PCDHGB1: variants seen among roughly 807,000 people sequenced by gnomAD.
The protein encoded by PCDHGB1 is protocadherin gamma-B1.
PCDHGB1 carries 34 observed loss-of-function variants against 56.6 expected under a neutral mutation model. That is an observed-to-expected ratio of 0.60 (90% CI 0.46 to 0.80). PCDHGB1 has a LOEUF of 0.80. PCDHGB1 is among the 30% of genes least tolerant of loss of function. The probability of loss-of-function intolerance (pLI) is 0.00; values close to 1 mark genes in which losing one functional copy is unlikely to be tolerated. For missense variants in PCDHGB1, 1,278 were observed against 1,204.6 expected (o/e 1.06, Z -0.90); for synonymous variants, 561 against 505.9 (o/e 1.11, Z -1.46).
Position 141,486,177 on chromosome 5 carries a change from G to A in PCDHGB1, c.2410-8630G>A. The A allele has an allele frequency of 6.2e-7, 1 of 1,614,222 alleles. No individual in the cohort carries two copies. Among genetic ancestry groups the A allele is most frequent in the Non-Finnish European group, 8.5e-7 (1 of 1,180,042 alleles). ...TCTCCAGCCATGGAGCAACATTGCA[G>A]CCTTCGAGTGGATCTGCTGGACGTA... On this transcript the variant is annotated intron_variant, in intron 1 of 3. Coordinates refer to ENST00000523390, the MANE Select transcript of PCDHGB1 (RefSeq NM_018922.3). The surrounding 1 kb of genome is among the most constrained non-coding windows in gnomAD (Gnocchi z 5.0).
At chr5:141,362,022 G>A (rs769844077) in intron 1 of PCDHGB1, 1 of 1,607,598 alleles carries the variant, frequency 6.2e-7, no homozygotes, top group African/African-American at 1.3e-5. Context: ...TGCGCACAGC[G>A]CGTGCCTTGG....
At chr5:141,495,499 C>T (rs918858395) in intron 2 of PCDHGB1, among the ~76,000 whole-genome samples, 13 of 152,162 alleles carry the variant, frequency 8.5e-5, no homozygotes, top group African/African-American at 2.9e-4. Context: ...CTTGAGTTTC[C>T]GTCTTTGCCA....
rs897116364 is a variant in PCDHGB1 at position 141,366,050 on chromosome 5, G to C, written c.2409+13381G>C. On this transcript the variant is annotated intron_variant, in intron 1 of 3. Coordinates refer to ENST00000523390, the MANE Select transcript of PCDHGB1 (RefSeq NM_018922.3). ...CGCCCTCCCCACAGACGGTTCCACGGGCGTGGAGCTGGCGCCTCGCTCCGC... is the reference window on the plus strand; with the variant it reads ...CGCCCTCCCCACAGACGGTTCCACGCGCGTGGAGCTGGCGCCTCGCTCCGC... The C allele has an allele frequency of 1.1e-5, 17 of 1,614,126 alleles. No homozygotes were observed. The highest frequency in any genetic ancestry group is 2.2e-5 in the South Asian group (2 of 91,088).
Position 141,403,510 on chromosome 5 carries a change from C to T in PCDHGB1, c.2409+50841C>T, listed in dbSNP as rs201146573. ...TCTCCCTGAACGTGCAGACTGGAGA[C>T]AATGGAGCCATAAACCCAGAGCTGG... On this transcript the variant is annotated intron_variant, in intron 1 of 3. Transcript: ENST00000523390. 9.2e-4 allele frequency: 1,478 copies of T among 1,614,022 alleles called. 1 individual carries two copies. Among genetic ancestry groups the T allele is most frequent in the Non-Finnish European group, 1.2e-3 (1,414 of 1,179,888 alleles).
chr5:141,359,347 A>G (rs1267627880), intron 1 of PCDHGB1, among the ~76,000 whole-genome samples: 1 of 152,148 alleles, frequency 6.6e-6, no homozygotes, highest in African/African-American at 2.4e-5. Flanking sequence ...AGAGTGCCAC[A>G]TGTTTTAAAG....
chr5:141,404,771 C>T lies in PCDHGB1; in HGVS notation c.2409+52102C>T, dbSNP rs376650362. On this transcript the variant is annotated intron_variant, in intron 1 of 3. Coordinates refer to ENST00000523390, the MANE Select transcript of PCDHGB1 (RefSeq NM_018922.3). Reference sequence around the variant, plus strand: ...AGGCCAGAATGCTTGGCTCTCCTACCGCCTATTCAAGGCCAGTGAGCCAGG... The same window carrying T: ...AGGCCAGAATGCTTGGCTCTCCTACTGCCTATTCAAGGCCAGTGAGCCAGG... The T allele has an allele frequency of 3.3e-5, 53 of 1,613,868 alleles. No homozygotes were observed. Among genetic ancestry groups the T allele is most frequent in the African/African-American group, 1.9e-4 (14 of 74,938 alleles).
At chr5:141,383,532 C>T (rs1249909520) in intron 1 of PCDHGB1, 4 of 1,612,320 alleles carry the variant, frequency 2.5e-6, no homozygotes, top group Non-Finnish European at 3.4e-6. Context: ...ACCACCTGGT[C>T]CTCACAGCCT....
At chr5:141,472,408 G>T (rs780468341) in intron 1 of PCDHGB1, among the ~76,000 whole-genome samples, 1 of 152,064 alleles carries the variant, frequency 6.6e-6, no homozygotes, top group Non-Finnish European at 1.5e-5. Flanking sequence ...AGGCGTGGTG[G>T]CACGCACCTG....
At chr5:141,405,560 G>A in intron 1 of PCDHGB1, 1 of 613,636 alleles carries the variant, frequency 1.6e-6, no homozygotes, top group Non-Finnish European at 2.9e-6. Context: ...GAGTAGCTGG[G>A]ACTAGAGTAG....
chr5:141,382,013 G>A (rs1000379234), intron 1 of PCDHGB1, among the ~76,000 whole-genome samples: 1 of 151,580 alleles, frequency 6.6e-6, no homozygotes, highest in Non-Finnish European at 1.5e-5. Context: ...ATTTTTAGTA[G>A]AGACGGGGTT....
intron 1 of PCDHGB1, chr5:141,410,165 T>G: frequency 1.9e-6 from 3 of 1,613,714 alleles, no homozygotes; most frequent in Non-Finnish European, 2.5e-6. Flanking sequence ...GCCGCCACTC[T>G]CTGCCACCGC....
rs769760594 is a variant in PCDHGB1, at chr5:141,389,212, TA to T, written c.2409+36546del. ...AGCATCACCCTGCACATTGGTGATG[TA>T]AATGACAACGCTCCGGTTTTCTCAC... On this transcript the variant is annotated intron_variant, in intron 1 of 3. Coordinates refer to ENST00000523390, the MANE Select transcript of PCDHGB1 (RefSeq NM_018922.3). 96 of 1,614,016 alleles carry T rather than the reference TA, an allele frequency of 5.9e-5. No homozygotes were observed. The East Asian group carries it at 2.0e-3, about 33-fold the overall frequency.
intron 2 of PCDHGB1, among the ~76,000 whole-genome samples, chr5:141,499,686 T>G (rs1400567357): frequency 1.3e-5 from 2 of 149,346 alleles, no homozygotes; most frequent in Non-Finnish European, 3.0e-5. Flanking sequence ...CTTTAACAGA[T>G]GACTTTTTTT....
Position 141,361,516 on chromosome 5 carries a change from G to A in PCDHGB1, c.2409+8847G>A, listed in dbSNP as rs750174731. ...CCAACAGACTTCCTACATGGTTCAC[G>A]TGGCAGAGAACAATCCTCCTGGCGC... is the stretch of plus-strand genomic sequence containing the variant. On this transcript the variant is annotated intron_variant, in intron 1 of 3. Coordinates refer to ENST00000523390, the MANE Select transcript of PCDHGB1 (RefSeq NM_018922.3). The A allele has an allele frequency of 8.7e-6, 14 of 1,613,942 alleles. No homozygotes were observed. Among genetic ancestry groups the A allele is most frequent in the South Asian group, 7.7e-5 (7 of 91,088 alleles).
chr5:141,506,277 T>C (rs905595521), intron 3 of PCDHGB1, among the ~76,000 whole-genome samples: 1 of 152,050 alleles, frequency 6.6e-6, no homozygotes. Flanking sequence ...AGTGAAACCC[T>C]GTCTCTACTA....
At chr5:141,372,958 T>TACAA in intron 1 of PCDHGB1, 9 of 710,562 alleles carry the variant, frequency 1.3e-5, no homozygotes, top group South Asian at 2.1e-5. Context: ...AAATTCTTTG[T>TACAA]AGAATTTCCT....
At chr5:141,499,184 A>G (rs2099789986) in intron 2 of PCDHGB1, among the ~76,000 whole-genome samples, 1 of 151,726 alleles carries the variant, frequency 6.6e-6, no homozygotes, top group African/African-American at 2.4e-5. Context: ...CCAGCAAACC[A>G]TTTCCCCCTT....
intron 1 of PCDHGB1, chr5:141,389,244 T>C: frequency 6.2e-7 from 1 of 1,614,036 alleles, no homozygotes; most frequent in Non-Finnish European, 8.5e-7. Context: ...CTCACAGTCT[T>C]CCTATATAGT....
At chr5:141,359,720 C>T (rs1240719607) in intron 1 of PCDHGB1, among the ~76,000 whole-genome samples, 1 of 152,140 alleles carries the variant, frequency 6.6e-6, no homozygotes, top group Non-Finnish European at 1.5e-5. Context: ...AACTTTAACA[C>T]TCATTTCCCC....
Sources: allele counts gnomAD v4.1 joint callset (sites outside exome capture counted in the v4.1 genomes callset), GRCh38; gene constraint gnomAD v4.1.1; non-coding constraint Gnocchi (gnomAD v3.1); transcripts MANE v1.5; gene names NCBI Gene and HGNC (gene_info 2026-07-23, HGNC 2026-07-21).